MELTF: variants seen among roughly 807,000 people sequenced by gnomAD.
MELTF encodes the protein antigen p97 (melanoma associated) identified by monoclonal antibodies 133.2 and 96.5.
Under a neutral mutation model 83.7 loss-of-function variants are expected in MELTF, and 67 were observed. The ratio of observed to expected loss-of-function variants is 0.80; its 90% confidence interval spans 0.66 to 0.98. The LOEUF is 0.98. Ranked by LOEUF, MELTF falls within the 50% of genes least tolerant of loss-of-function variation. The pLI is 0.00. For missense variants in MELTF, 1,002 were observed against 1,035.6 expected (o/e 0.97, Z 0.44); for synonymous variants, 462 against 447.6 (o/e 1.03, Z -0.41).
In MELTF at chr3:197,022,668, C is replaced by G. The variant is rs1038591201; in HGVS notation, c.644+289G>C. Among the ~76,000 whole-genome samples the G allele has an allele frequency of 2.6e-5, 4 of 152,188 alleles. No homozygotes were observed. Among genetic ancestry groups the G allele is most frequent in the African/African-American group, 9.7e-5 (4 of 41,442 alleles). On this transcript the variant is annotated intron_variant, in intron 5 of 15. Transcript: ENST00000296350. This position sits in a 1 kb window ranked among gnomAD's most constrained non-coding sequence, Gnocchi z 5.1. Reference sequence around the variant, plus strand: ...CTCCCTGCTGGTCTGAGAATGGGGACATGGGAGTGGCCAAAAGGCTGTTTT... The same window carrying G: ...CTCCCTGCTGGTCTGAGAATGGGGAGATGGGAGTGGCCAAAAGGCTGTTTT...
chr3:197,015,306 T>C, intron 9 of MELTF, 59 bp downstream of exon 9: 1 of 1,506,940 alleles, frequency 6.6e-7, no homozygotes, highest in Non-Finnish European at 8.9e-7. Flanking sequence ...TAGTAAGAAC[T>C]GCCCAGGCAC....
At chr3:197,013,599 A>G (rs1378541193) in intron 9 of MELTF, among the ~76,000 whole-genome samples, 2 of 152,256 alleles carry the variant, frequency 1.3e-5, no homozygotes, top group Admixed American at 6.5e-5. Flanking sequence ...CTATGGAATG[A>G]GAGAAAATAT....
intron 6 of MELTF, chr3:197,019,911 T>G: frequency 7.1e-7 from 1 of 1,411,328 alleles, no homozygotes; most frequent in Non-Finnish European, 9.3e-7. Context: ...GAACGGTGTG[T>G]TTGCTGCTTG....
intron 6 of MELTF, among the ~76,000 whole-genome samples, chr3:197,017,758 T>C (rs971757143): frequency 6.6e-6 from 1 of 152,080 alleles, no homozygotes; most frequent in African/African-American, 2.4e-5. Context: ...GCGCCTGTAA[T>C]CCCAGCTACT....
chr3:197,023,196 G>T, intron 4 of MELTF, 83 bp from the exon 5 acceptor site: 3 of 1,378,508 alleles, frequency 2.2e-6, no homozygotes, highest in Non-Finnish European at 3.1e-6. Flanking sequence ...GGGGGCCCGG[G>T]CTCTCATCTG....
At position 197,024,635 on chromosome 3, in the gene MELTF, G is replaced by C. The variant is rs772054209; in HGVS notation, c.305-150C>G. 1.2e-4 allele frequency: 68 copies of C among 550,048 alleles called. No homozygotes were observed. Among genetic ancestry groups the C allele is most frequent in the Admixed American group, 2.0e-4 (5 of 25,004 alleles). The allele number at this position is 550,048 out of a possible 1,614,324, so 34.1% of individuals were successfully genotyped here. A position where few individuals can be genotyped will look rare whatever the true frequency, so the allele number is the denominator to read the frequency against. On this transcript the variant is annotated intron_variant, in intron 3 of 15. Transcript: ENST00000296350. The surrounding 1 kb of genome is among the most constrained non-coding windows in gnomAD (Gnocchi z 5.3). ...GTGCATAGCGTTCTCGTTACCAAGA[G>C]AGCAAGTGGGCTTCATCTGCATGTA... is the stretch of plus-strand genomic sequence containing the variant.
In MELTF at chr3:197,019,395, C is replaced by T. The variant is rs368132062; in HGVS notation, c.712+2009G>A. 275 of 1,286,444 alleles carry T rather than the reference C, an allele frequency of 2.1e-4. No individual in the cohort carries two copies. The African/African-American group carries it at 2.1e-3, about 10-fold the overall frequency. 79.7% of individuals were successfully genotyped at this position (1,286,444 alleles called of 1,614,324 possible). On this transcript the variant is annotated intron_variant, in intron 6 of 15. Transcript: ENST00000296350. ...TACCCCTTGGCTCTTACCAATCTTTCTGTATAAAGTCACTTAAAAAATGAC... is the reference window on the plus strand; with the variant it reads ...TACCCCTTGGCTCTTACCAATCTTTTTGTATAAAGTCACTTAAAAAATGAC...
intron 6 of MELTF, chr3:197,018,870 G>T (rs1190885368): frequency 2.2e-6 from 2 of 929,402 alleles, no homozygotes; most frequent in African/African-American, 3.6e-5. Context: ...CGATAGAAAA[G>T]AAAATTTGCA....
chr3:197,015,260 A>G, intron 9 of MELTF, 105 bp downstream of exon 9: 1 of 1,321,562 alleles, frequency 7.6e-7, no homozygotes, highest in Non-Finnish European at 1.0e-6. Flanking sequence ...GTTGCAGTAG[A>G]CACTCTCCTC....
Position 197,006,519 on chromosome 3 carries a change from C to A in MELTF, c.1938+30G>T. 1 of 1,600,942 alleles carries A rather than the reference C, an allele frequency of 6.2e-7. No homozygotes were observed. Among genetic ancestry groups the A allele is most frequent in the South Asian group, 1.1e-5 (1 of 89,354 alleles). On this transcript the variant is annotated intron_variant, in intron 14 of 15. Transcript: ENST00000296350. The surrounding 1 kb of genome is among the most constrained non-coding windows in gnomAD (Gnocchi z 5.4). ...GCTCAGCTTACCTCTGCTGCACACC[C>A]CTCAATGAGGTAGCCCCACCCTGGC...
rs200400304 is a variant in MELTF at position 197,003,896 on chromosome 3, C to A, written c.2137+5G>T. ...AGGGGAGGCGGCAGGGCGGGCCTGT[C>A]CTACCTGCGCCCGAGCACTGCTGAG... On this transcript the variant is annotated splice_donor_5th_base_variant and intron_variant, in intron 15 of 15. Transcript: ENST00000296350. This position sits in a 1 kb window ranked among gnomAD's most constrained non-coding sequence, Gnocchi z 6.2. 2.0e-5 allele frequency: 32 copies of A among 1,612,958 alleles called. No homozygotes were observed. In the East Asian group the frequency reaches 6.7e-4, roughly 34 times the overall value.
chr3:197,006,274 G>A lies in MELTF; in HGVS notation c.1938+275C>T, dbSNP rs1359398262. On this transcript the variant is annotated intron_variant, in intron 14 of 15. Transcript: ENST00000296350. This position sits in a 1 kb window ranked among gnomAD's most constrained non-coding sequence, Gnocchi z 5.4. ...ATTACAGCTGCAAGAGGATGGATGT[G>A]AGACCAAGAGGTTAGTTTGTTCTTT... Among the ~76,000 whole-genome samples the A allele has an allele frequency of 6.6e-6, 1 of 152,102 alleles. No individual in the cohort carries two copies.
chr3:197,028,033 C>T, intron 1 of MELTF, 123 bp from the exon 2 acceptor site: 1 of 1,132,794 alleles, frequency 8.8e-7, no homozygotes, highest in Non-Finnish European at 1.2e-6. Flanking sequence ...TCTAGGGCAG[C>T]CCTGCCCTCC....
rs141948698 is a variant in MELTF at position 197,010,744 on chromosome 3, C to T, written c.1284G>A (p.Ala428=). 3.9e-5 allele frequency: 63 copies of T among 1,613,636 alleles called. No homozygotes were observed. The highest frequency in any genetic ancestry group is 3.1e-4 in the African/African-American group (23 of 74,946). The change falls in exon 10 of 16, where the codon GCG becomes GCA. Residue 428 remains alanine, a synonymous_variant. Transcript: ENST00000296350. ...VTLSGEDIYT[A]GKTYGLVPAA... ...CGGGAACCAGGCCGTACGTCTTCCC[C>T]GCCGTGTAAATGTCCTCGCCACTCA... is the stretch of plus-strand genomic sequence containing the variant.
At position 197,003,341 on chromosome 3, in the gene MELTF, G is replaced by C. The variant is rs1718828183; in HGVS notation, c.*31C>G. The C allele has an allele frequency of 6.6e-6, 7 of 1,062,480 alleles. No homozygotes were observed. The highest frequency in any genetic ancestry group is 5.7e-6 in the Non-Finnish European group (5 of 881,376). The allele number at this position is 1,062,480 out of a possible 1,614,324, so 65.8% of individuals were successfully genotyped here. A position where few individuals can be genotyped will look rare whatever the true frequency, so the allele number is the denominator to read the frequency against. ...GCCGCCGCGGAAACTCCCCGGGCGG[G>C]CATCGGAGCTCTGGGGCGGGGCGGC... On this transcript the variant is annotated 3_prime_UTR_variant, in exon 16 of 16. Coordinates refer to ENST00000296350, the MANE Select transcript of MELTF (RefSeq NM_005929.6). This position sits in a 1 kb window ranked among gnomAD's most constrained non-coding sequence, Gnocchi z 6.2.
intron 9 of MELTF, among the ~76,000 whole-genome samples, chr3:197,014,706 A>G (rs988508647): frequency 6.6e-6 from 1 of 152,166 alleles, no homozygotes; most frequent in Non-Finnish European, 1.5e-5. Context: ...GATAGGAGGA[A>G]TAAGCTCCAG....
Position 197,015,497 on chromosome 3 carries a change from G to A in MELTF, c.1101C>T (p.Arg367=), listed in dbSNP as rs183159932. The change falls in exon 9 of 16, where the codon CGC becomes CGT. Residue 367 remains arginine, a synonymous_variant. Coordinates refer to ENST00000296350, the MANE Select transcript of MELTF (RefSeq NM_005929.6). The stretch of plus-strand genomic sequence containing the variant: ...TCTCGGGAGTGGAGAGCACACACCA[G>A]CGCAGGTAGGGGGGCAGCCCTGGGG... ...CDPNRLPPYL[R]WCVLSTPEIQ... 2.9e-4 allele frequency: 463 copies of A among 1,611,514 alleles called. No homozygotes were observed. The highest frequency in any genetic ancestry group is 3.7e-4 in the Non-Finnish European group (438 of 1,179,156).
intron 5 of MELTF, 73 bp from the exon 6 acceptor site, chr3:197,021,544 G>A: frequency 1.4e-6 from 2 of 1,455,132 alleles, no homozygotes; most frequent in Non-Finnish European, 1.9e-6. Context: ...CTGGAGGCCT[G>A]GCTTGGGCTG....
At chr3:197,004,593 G>A (rs138390808) in intron 14 of MELTF, 50 of 183,930 alleles carry the variant, frequency 2.7e-4, no homozygotes, top group Non-Finnish European at 4.5e-4. Context: ...TGACCCACCC[G>A]CCCAGGGATG....
Sources: allele counts gnomAD v4.1 joint callset (sites outside exome capture counted in the v4.1 genomes callset), GRCh38; gene constraint gnomAD v4.1.1; non-coding constraint Gnocchi (gnomAD v3.1); transcripts MANE v1.5; gene names NCBI Gene and HGNC (gene_info 2026-07-23, HGNC 2026-07-21).